Variants in TEX11 observed in about 807,000 individuals in gnomAD.
TEX11 encodes the protein testis-expressed protein 11.
Under a neutral mutation model 84.4 loss-of-function variants are expected in TEX11, and 7 were observed. The ratio of observed to expected loss-of-function variants is 0.08; its 90% CI spans 0.05 to 0.16. The LOEUF is 0.16. TEX11 is among the 10% of genes least tolerant of loss of function. TEX11 has a pLI of 1.00. For missense variants in TEX11, 551 were observed against 660.5 expected (o/e 0.83, Z 1.82); for synonymous variants, 264 against 222.8 (o/e 1.18, Z -1.64).
intron 9 of TEX11, among the ~76,000 whole-genome samples, chrX:70,746,312 GGA>G (rs1253713925): frequency 1.8e-5 from 2 of 111,097 alleles, no homozygotes; most frequent in African/African-American, 6.5e-5. Flanking sequence ...CAAGTACGAT[GGA>G]GAGGACTGGC....
At chrX:70,564,633 C>G (rs2088430332) in intron 25 of TEX11, among the ~76,000 whole-genome samples, 1 of 103,035 alleles carries the variant, frequency 9.7e-6, no homozygotes, top group Non-Finnish European at 2.0e-5. Context: ...CAATTCCCAC[C>G]TATTAGGGAG....
At chrX:70,641,981 C>A (rs747710153) in intron 17 of TEX11, among the ~76,000 whole-genome samples, 1 of 110,504 alleles carries the variant, frequency 9.0e-6, no homozygotes, top group South Asian at 3.9e-4. Context: ...AATCCAGGAG[C>A]TGGTTTTTTG....
At chrX:70,733,705 C>T (rs900707184) in intron 11 of TEX11, among the ~76,000 whole-genome samples, 5 of 111,527 alleles carry the variant, frequency 4.5e-5, no homozygotes, top group East Asian at 2.8e-4. Context: ...CACTACTGGT[C>T]GGACTGTAAA....
At chrX:70,525,128 C>A (rs977179475), downstream of TEX11, among the ~76,000 whole-genome samples, 4 of 111,252 alleles carry the variant, frequency 3.6e-5, no homozygotes, top group Admixed American at 2.9e-4. Flanking sequence ...CTGCAGTGAG[C>A]TATGATTGAG....
At chrX:70,550,442 A>G (rs2088197576) in intron 28 of TEX11, among the ~76,000 whole-genome samples, 2 of 111,892 alleles carry the variant, frequency 1.8e-5, no homozygotes, top group Non-Finnish European at 3.8e-5. Context: ...GAAACAATCA[A>G]CAAAGTGAAG....
chrX:70,570,083 T>C (rs1215093845), intron 25 of TEX11, among the ~76,000 whole-genome samples: 2 of 111,942 alleles, frequency 1.8e-5, no homozygotes, highest in East Asian at 5.6e-4. Context: ...CAGGCTGCTT[T>C]GTTTACCTAA....
At chrX:70,754,716 C>T (rs2090855009) in intron 9 of TEX11, among the ~76,000 whole-genome samples, 1 of 109,685 alleles carries the variant, frequency 9.1e-6, no homozygotes, top group South Asian at 4.0e-4. Context: ...GTCACTAAAC[C>T]CCAAGTTTCA....
At chrX:70,583,458 G>A (rs184944099) in intron 25 of TEX11, among the ~76,000 whole-genome samples, 34 of 112,187 alleles carry the variant, frequency 3.0e-4, no homozygotes, top group Middle Eastern at 4.6e-3. Context: ...TTATGGCTGA[G>A]TACTATTTAA....
At chrX:70,866,726 C>A (rs934249387) in intron 4 of TEX11, among the ~76,000 whole-genome samples, 3 of 112,056 alleles carry the variant, frequency 2.7e-5, no homozygotes, top group African/African-American at 9.7e-5. Context: ...CCCTGGGATG[C>A]AAGGCTGGTT....
chrX:70,702,812 CT>C (rs927438846), intron 13 of TEX11, among the ~76,000 whole-genome samples: 1 of 110,684 alleles, frequency 9.0e-6, no homozygotes, highest in East Asian at 2.8e-4. Context: ...TGAGATTGGC[CT>C]TTTTTTTCAC....
chrX:70,523,651 A>G, the TEX11 span, among the ~76,000 whole-genome samples: 15,080 of 108,705 alleles, frequency 0.14, 1,082 homozygotes, highest in Non-Finnish European at 0.2. Context: ...TTTTTAGTAG[A>G]GACGGGGTTT....
chrX:70,733,182 C>G (rs1355921516), intron 11 of TEX11, among the ~76,000 whole-genome samples: 1 of 111,640 alleles, frequency 9.0e-6, no homozygotes, highest in Non-Finnish European at 1.9e-5. Flanking sequence ...AATGTTAGAC[C>G]TAAAACCATA....
intron 14 of TEX11, 132 bp downstream of exon 14, chrX:70,682,542 A>G: frequency 1.5e-6 from 1 of 686,772 alleles, no homozygotes. Flanking sequence ...TACTGTTAAA[A>G]GACCATTAGG....
At chrX:70,567,628 G>C (rs1459753507) in intron 25 of TEX11, among the ~76,000 whole-genome samples, 1 of 111,305 alleles carries the variant, frequency 9.0e-6, no homozygotes, top group Admixed American at 9.6e-5. Context: ...TGGTTTCAAA[G>C]AACATCTTTA....
chrX:70,801,801 C>A (rs1390112088), intron 9 of TEX11, among the ~76,000 whole-genome samples: 6 of 108,574 alleles, frequency 5.5e-5, no homozygotes, highest in African/African-American at 1.0e-4. Flanking sequence ...ACCACACACA[C>A]AAAAAAAAGG....
chrX:70,863,702 G>A (rs1004803970), intron 4 of TEX11, among the ~76,000 whole-genome samples: 4 of 111,342 alleles, frequency 3.6e-5, no homozygotes, highest in Non-Finnish European at 7.5e-5. Context: ...TCTCCAGCAA[G>A]GGCACAAAAC....
chrX:70,555,655 C>G (rs2088277100), intron 25 of TEX11, among the ~76,000 whole-genome samples: 1 of 111,955 alleles, frequency 8.9e-6, no homozygotes, highest in Admixed American at 9.5e-5. Flanking sequence ...TTGTCTTTGT[C>G]TACTACTGGT....
At chrX:70,644,283 A>C (rs1397878891) in intron 17 of TEX11, among the ~76,000 whole-genome samples, 2 of 106,329 alleles carry the variant, frequency 1.9e-5, no homozygotes. Context: ...CAGGTGCTGG[A>C]GAGGATGTGG....
intron 9 of TEX11, among the ~76,000 whole-genome samples, chrX:70,758,743 G>C (rs1190634754): frequency 8.9e-6 from 1 of 111,734 alleles, no homozygotes; most frequent in East Asian, 2.8e-4. Flanking sequence ...TCAAAAGCTA[G>C]CAGAAGGCAA....
Sources: allele counts gnomAD v4.1 joint callset (sites outside exome capture counted in the v4.1 genomes callset), GRCh38; gene constraint gnomAD v4.1.1; transcripts MANE v1.5; gene names NCBI Gene and HGNC (gene_info 2026-07-23, HGNC 2026-07-21).